ZNF699: variants seen among roughly 807,000 people sequenced by gnomAD.
ZNF699 encodes the protein zinc finger protein 699, also known as hangover homolog.
A neutral mutation model predicts 22.5 loss-of-function variants in ZNF699; 18 were observed. The observed-to-expected ratio is 0.80, with a 90% confidence interval of 0.55 to 1.19. The LOEUF (loss-of-function observed/expected upper bound fraction) is 1.19, where lower values mean the gene tolerates loss of function less well. ZNF699 is among the 50% of genes most tolerant of loss of function. ZNF699 has a pLI of 0.00. For synonymous variants in ZNF699, 241 were observed against 262.3 expected, an observed-to-expected ratio of 0.92 and a Z score of 0.78; for missense variants, 670 against 763.4, an observed-to-expected ratio of 0.88 and a Z score of 1.44.
chr19:9,308,451 A>C (rs11670243), intron 1 of ZNF699, among the ~76,000 whole-genome samples: 93,151 of 151,992 alleles, frequency 0.61, 29,091 homozygotes, highest in African/African-American at 0.73. Context: ...TACAACTTTC[A>C]AGCAGTGATC....
rs763105613 is a variant in ZNF699, at chr19:9,296,320, G to T, written c.1084C>A (p.Pro362Thr). 4 of 1,613,798 alleles carry T rather than the reference G, an allele frequency of 2.5e-6. No homozygotes were observed. Among genetic ancestry groups the T allele is most frequent in the South Asian group, 1.1e-5 (1 of 91,074 alleles). Residue 362 changes from proline (P) to threonine (T), a missense_variant, in exon 6 of 6, where the codon CCT (proline) becomes ACT (threonine). Pro to Thr is a conservative substitution (Grantham distance 38, BLOSUM62 -1). Coordinates refer to ENST00000591998, the MANE Select transcript of ZNF699 (RefSeq NM_198535.3). ...IHIRIHTGEK[P>T]YECKECGKAF... Reference sequence around the variant, plus strand: ...TTCCCACACTCTTTACATTCATAAGGCTTCTCTCCAGTGTGAATTCTTATA... The same window carrying T: ...TTCCCACACTCTTTACATTCATAAGTCTTCTCTCCAGTGTGAATTCTTATA...
rs2066285925 is a variant in ZNF699, at chr19:9,296,302, A to C, written c.1102T>G (p.Cys368Gly). Residue 368 changes from cysteine to glycine, a missense_variant, in exon 6 of 6, where the codon TGT becomes GGT. Coordinates refer to ENST00000591998, the MANE Select transcript of ZNF699 (RefSeq NM_198535.3). ...GAGGACTCGCTGAAGGCCTTCCCAC[A>C]CTCTTTACATTCATAAGGCTTCTCT... The part of the protein sequence containing the change: ...TGEKPYECKE[C>G]GKAFSESSKL... 1 of 1,613,592 alleles carries C rather than the reference A, an allele frequency of 6.2e-7. No individual in the cohort carries two copies. The highest frequency in any genetic ancestry group is 8.5e-7 in the Non-Finnish European group (1 of 1,179,906).
At chr19:9,309,158 T>C (rs34308875) in intron 1 of ZNF699, among the ~76,000 whole-genome samples, 192 bp downstream of exon 1, 1 of 122,808 alleles carries the variant, frequency 8.1e-6, no homozygotes, top group East Asian at 2.5e-4. Context: ...TTTTTTTTTT[T>C]GGTAGAGACG....
intron 3 of ZNF699, among the ~76,000 whole-genome samples, chr19:9,300,607 T>A (rs2066303649): frequency 6.6e-6 from 1 of 152,122 alleles, no homozygotes; most frequent in South Asian, 2.1e-4. Flanking sequence ...TAGTCAGAGG[T>A]ACAAAGAAAT....
At chr19:9,301,514 C>T (rs2066307084) in intron 3 of ZNF699, among the ~76,000 whole-genome samples, 1 of 152,172 alleles carries the variant, frequency 6.6e-6, no homozygotes, top group Non-Finnish European at 1.5e-5. Flanking sequence ...TTTTTAGCCA[C>T]CAGTGTGTGA....
Position 9,295,657 on chromosome 19 carries a change from C to T in ZNF699, c.1747G>A (p.Gly583Arg). Residue 583 changes from glycine (G) to arginine (R), a missense_variant, in exon 6 of 6, where the codon GGA becomes AGA. Coordinates refer to ENST00000591998, the MANE Select transcript of ZNF699 (RefSeq NM_198535.3). ...YLTVHARMHT[G>R]EKPFECLECG... ...TCCAGACATTCAAAGGGTTTCTCTC[C>T]AGTGTGCATTCTTGCATGTACAGTA... The T allele has an allele frequency of 6.2e-7, 1 of 1,614,046 alleles. No homozygotes were observed. Among genetic ancestry groups the T allele is most frequent in the Non-Finnish European group, 8.5e-7 (1 of 1,180,016 alleles).
Position 9,294,143 on chromosome 19 carries a change from C to A in ZNF699, c.*1332G>T, listed in dbSNP as rs1422486861. 1 of 152,150 alleles carries A rather than the reference C, an allele frequency of 6.6e-6. No homozygotes were observed. The highest frequency in any genetic ancestry group is 2.4e-5 in the African/African-American group (1 of 41,440). The allele number at this position is 152,150 out of a possible 1,614,324, so 9.4% of individuals were successfully genotyped here. A position where few individuals can be genotyped will look rare whatever the true frequency, so the allele number is the denominator to read the frequency against. On this transcript the variant is annotated 3_prime_UTR_variant, in exon 6 of 6. Coordinates refer to ENST00000591998, the MANE Select transcript of ZNF699 (RefSeq NM_198535.3). ...CGATTGGACTGTGTAAGAAAGACTGCAACATAAGCAAAATGGCAATGCCAG... is the reference window on the plus strand; with the variant it reads ...CGATTGGACTGTGTAAGAAAGACTGAAACATAAGCAAAATGGCAATGCCAG...
At position 9,298,004 on chromosome 19, in the gene ZNF699, A is replaced by G. The variant is rs1415128759; in HGVS notation, c.176-14T>C. 6.5e-7 allele frequency: 1 copy of G among 1,527,124 alleles called. No individual in the cohort carries two copies. Among genetic ancestry groups the G allele is most frequent in the Admixed American group, 1.7e-5 (1 of 58,508 alleles). The allele number at this position is 1,527,124 out of a possible 1,614,324, so 94.6% of individuals were successfully genotyped here. ...GTAGCGGATACCCTGCACAAGCAGA[A>G]AGGCATATCACGAGGGAAAATAATG... On this transcript the variant is annotated splice_polypyrimidine_tract_variant and intron_variant, in intron 3 of 5. Coordinates refer to ENST00000591998, the MANE Select transcript of ZNF699 (RefSeq NM_198535.3).
rs1485244727 is a variant in ZNF699 at position 9,298,089 on chromosome 19, A to T, written c.176-99T>A. ...AACTTTAGTCTTCTGATATTCCAAA[A>T]ATGGACAACTGTGAGTTTAACTGCA... is the stretch of plus-strand genomic sequence containing the variant. On this transcript the variant is annotated intron_variant, in intron 3 of 5. Transcript: ENST00000591998. 4.3e-6 allele frequency: 3 copies of T among 705,638 alleles called. No homozygotes were observed. The East Asian group carries it at 7.8e-5, about 18-fold the overall frequency. The allele number at this position is 705,638 out of a possible 1,614,324, so 43.7% of individuals were successfully genotyped here.
In ZNF699 at chr19:9,297,155, A is replaced by G; in HGVS notation, c.470+141T>C. The G allele has an allele frequency of 2.1e-6, 2 of 955,440 alleles. No individual in the cohort carries two copies. Among genetic ancestry groups the G allele is most frequent in the Non-Finnish European group, 3.0e-6 (2 of 668,018 alleles). 59.2% of individuals were successfully genotyped at this position (955,440 alleles called of 1,614,324 possible). A position where few individuals can be genotyped will look rare whatever the true frequency, so the allele number is the denominator to read the frequency against. On this transcript the variant is annotated intron_variant, in intron 5 of 5. Transcript: ENST00000591998. This position sits in a 1 kb window ranked among gnomAD's most constrained non-coding sequence, Gnocchi z 4.3. Reference sequence around the variant, plus strand: ...CAAAATCCCGGTCTCATTTGTGGAAAAAATTAACTCATGAAAATTCTTTCT... The same window carrying G: ...CAAAATCCCGGTCTCATTTGTGGAAGAAATTAACTCATGAAAATTCTTTCT...
In ZNF699 at chr19:9,296,242, C is replaced by T. The variant is rs1489383476; in HGVS notation, c.1162G>A (p.Glu388Lys). The stretch of plus-strand genomic sequence containing the variant: ...CATTCCTTACATTTATAGGGTTTCT[C>T]TCCAGTATGTGTCCTCCCATGTACA... ...LTVHGRTHTGEKPYKCKECGK... is the reference protein window; with the variant it reads ...LTVHGRTHTGKKPYKCKECGK... Residue 388 changes from glutamate (E) to lysine (K), a missense_variant, in exon 6 of 6, where the codon GAG (glutamate) becomes AAG (lysine). Physicochemically the swap from Glu to Lys is moderately conservative, Grantham distance 56 (BLOSUM62 1). Transcript: ENST00000591998. 6 of 1,613,822 alleles carry T rather than the reference C, an allele frequency of 3.7e-6. No individual in the cohort carries two copies. In the African/African-American group the frequency reaches 8.0e-5, roughly 22 times the overall value.
rs200284159 is a variant in ZNF699, at chr19:9,297,886, G to A, written c.280C>T (p.Arg94Trp). 8.2e-5 allele frequency: 132 copies of A among 1,611,716 alleles called. No homozygotes were observed. The Admixed American group carries it at 1.2e-3, about 15-fold the overall frequency. The part of the protein sequence containing the change: ...LIQGIFMGEH[R>W]EGFETQLKTN... ...TTCTCCCAAGGGTTCTTGCCTTCCCGGTGCTCTCCCATAAAGATGCCCTGG... is the reference window on the plus strand; with the variant it reads ...TTCTCCCAAGGGTTCTTGCCTTCCCAGTGCTCTCCCATAAAGATGCCCTGG... The change falls in exon 4 of 6, where the codon CGG becomes TGG. Residue 94 changes from arginine to tryptophan, a missense_variant. Arg to Trp is a moderately radical substitution (Grantham distance 101). Transcript: ENST00000591998. The surrounding 1 kb of genome is among the most constrained non-coding windows in gnomAD (Gnocchi z 4.3).
chr19:9,294,185 C>G lies in ZNF699; in HGVS notation c.*1290G>C, dbSNP rs2066276471. On this transcript the variant is annotated 3_prime_UTR_variant, in exon 6 of 6. Coordinates refer to ENST00000591998, the MANE Select transcript of ZNF699 (RefSeq NM_198535.3). The stretch of plus-strand genomic sequence containing the variant: ...CAATGCCAGAGCTTGCTAGAAAATC[C>G]AAGAAGCTGTATCTGGTGATAGCTT... The G allele has an allele frequency of 1.3e-5, 2 of 152,210 alleles. No individual in the cohort carries two copies. The highest frequency in any genetic ancestry group is 2.9e-5 in the Non-Finnish European group (2 of 68,044). The allele number at this position is 152,210 out of a possible 1,614,324, so 9.4% of individuals were successfully genotyped here.
chr19:9,301,279 A>G (rs762279818), intron 3 of ZNF699, among the ~76,000 whole-genome samples: 4 of 152,118 alleles, frequency 2.6e-5, no homozygotes, highest in Non-Finnish European at 5.9e-5. Flanking sequence ...TGGTGTCCTT[A>G]TAAGGAGACA....
At position 9,297,872 on chromosome 19, in the gene ZNF699, G is replaced by A. The variant is rs754233760; in HGVS notation, c.286+8C>T. The A allele has an allele frequency of 3.7e-6, 6 of 1,602,854 alleles. No individual in the cohort carries two copies. Among genetic ancestry groups the A allele is most frequent in the Admixed American group, 3.3e-5 (2 of 59,734 alleles). On this transcript the variant is annotated splice_region_variant and intron_variant, in intron 4 of 5. Coordinates refer to ENST00000591998, the MANE Select transcript of ZNF699 (RefSeq NM_198535.3). This position sits in a 1 kb window ranked among gnomAD's most constrained non-coding sequence, Gnocchi z 4.3. Reference sequence around the variant, plus strand: ...CCAACCAAAACAGTTTCTCCCAAGGGTTCTTGCCTTCCCGGTGCTCTCCCA... The same window carrying A: ...CCAACCAAAACAGTTTCTCCCAAGGATTCTTGCCTTCCCGGTGCTCTCCCA...
rs2066279751 is a variant in ZNF699, at chr19:9,295,175, T to G, written c.*300A>C. 3 of 345,856 alleles carry G rather than the reference T, an allele frequency of 8.7e-6. No individual in the cohort carries two copies. Among genetic ancestry groups the G allele is most frequent in the African/African-American group, 2.1e-5 (1 of 47,514 alleles). 21.4% of individuals were successfully genotyped at this position (345,856 alleles called of 1,614,324 possible). On this transcript the variant is annotated 3_prime_UTR_variant, in exon 6 of 6. Transcript: ENST00000591998. ...TGTGGCTAGAGCTGAAAAGGTAAAT[T>G]TATCACCTTCAATGTTCCTATCAGA...
At chr19:9,302,558 A>C (rs1474370539) in intron 2 of ZNF699, 54 bp from the exon 3 acceptor site, 17 of 1,531,298 alleles carry the variant, frequency 1.1e-5, no homozygotes, top group Non-Finnish European at 1.4e-5. Flanking sequence ...CAATGTGTAC[A>C]AGAGGACAGA....
At position 9,291,992 on chromosome 19, in the gene ZNF699, G is replaced by A. The variant is rs1288185873; in HGVS notation, c.*3483C>T. 6.6e-6 allele frequency among the ~76,000 whole-genome samples: 1 copy of A among 152,114 alleles called. No homozygotes were observed. The highest frequency in any genetic ancestry group is 1.5e-5 in the Non-Finnish European group (1 of 68,020). ...GCTGGGATTATAGGCATGAGCCACT[G>A]TGCCTGGCCAAGCAGCAATCTTTAG... On this transcript the variant is annotated 3_prime_UTR_variant, in exon 6 of 6. Coordinates refer to ENST00000591998, the MANE Select transcript of ZNF699 (RefSeq NM_198535.3).
In ZNF699 at chr19:9,292,822, A is replaced by AT. The variant is rs201685861; in HGVS notation, c.*2652dup. On this transcript the variant is annotated 3_prime_UTR_variant, in exon 6 of 6. Coordinates refer to ENST00000591998, the MANE Select transcript of ZNF699 (RefSeq NM_198535.3). ...CAAGTAACCAGAAGGAAACCTTTCA[A>AT]TTTTTTTTTTTTTTTAAAAAGGAAC... Among the ~76,000 whole-genome samples the AT allele has an allele frequency of 9.1e-4, 134 of 147,824 alleles. No individual in the cohort carries two copies. The highest frequency in any genetic ancestry group is 2.6e-3 in the East Asian group (13 of 5,096).
Sources: allele counts gnomAD v4.1 joint callset (sites outside exome capture counted in the v4.1 genomes callset), GRCh38; gene constraint gnomAD v4.1.1; non-coding constraint Gnocchi (gnomAD v3.1); transcripts MANE v1.5; gene names NCBI Gene and HGNC (gene_info 2026-07-23, HGNC 2026-07-21).